Variants in PPP1R37 observed in about 807,000 individuals in gnomAD.
PPP1R37 encodes the protein leucine rich repeat containing 68.
Under a neutral mutation model 61.0 loss-of-function variants are expected in PPP1R37, and 21 were observed. The ratio of observed to expected loss-of-function variants is 0.34; its 90% CI spans 0.24 to 0.50. The LOEUF is 0.50. Ranked by LOEUF, PPP1R37 falls within the 20% of genes least tolerant of loss-of-function variation. The probability of loss-of-function intolerance (pLI) is 0.98; values close to 1 mark genes in which losing one functional copy is unlikely to be tolerated. For synonymous variants in PPP1R37, 443 were observed against 433.5 expected (o/e 1.02, Z -0.27); for missense variants, 910 against 952.7 (o/e 0.96, Z 0.59).
rs546036931 is a variant in PPP1R37, at chr19:45,093,281, C to T, written c.-45C>T. The T allele has an allele frequency of 1.0e-5, 14 of 1,341,148 alleles. No homozygotes were observed. In the East Asian group the frequency reaches 3.9e-4, roughly 38 times the overall value. 83.1% of individuals were successfully genotyped at this position (1,341,148 alleles called of 1,614,324 possible). On this transcript the variant is annotated 5_prime_UTR_variant, in exon 1 of 13. Transcript: ENST00000221462. ...CGGACCCGGAGAGACAAATCCGGGG[C>T]CCGGGGCATGTCCCCGGGGCCCCCG...
chr19:45,093,555 G>C, intron 1 of PPP1R37, 28 bp downstream of exon 1: 1 of 1,515,390 alleles, frequency 6.6e-7, no homozygotes, highest in Non-Finnish European at 8.8e-7. Flanking sequence ...AGCGGGGGCG[G>C]GCTCGAGAGG....
chr19:45,144,452 G>C lies in PPP1R37; in HGVS notation c.988-402G>C, dbSNP rs368420656. 2.2e-4 allele frequency: 41 copies of C among 186,788 alleles called. No homozygotes were observed. The East Asian group carries it at 4.1e-3, about 19-fold the overall frequency. 11.6% of individuals were successfully genotyped at this position (186,788 alleles called of 1,614,324 possible). A position where few individuals can be genotyped will look rare whatever the true frequency, so the allele number is the denominator to read the frequency against. On this transcript the variant is annotated intron_variant, in intron 8 of 12. Coordinates refer to ENST00000221462, the MANE Select transcript of PPP1R37 (RefSeq NM_019121.2). ...AGTGAGTCACCGTGCCTGGTTTTCA[G>C]TTTTTATGTGGTGCTTAAAGCAAGC... is the stretch of plus-strand genomic sequence containing the variant.
intron 1 of PPP1R37, among the ~76,000 whole-genome samples, chr19:45,094,383 G>A (rs1967965357): frequency 6.6e-6 from 1 of 152,178 alleles, no homozygotes; most frequent in Non-Finnish European, 1.5e-5. Context: ...AGGAGCAGAG[G>A]ATGTTTGGGA....
intron 1 of PPP1R37, among the ~76,000 whole-genome samples, chr19:45,119,646 C>CT (rs545161853): frequency 1.3e-5 from 2 of 152,200 alleles, no homozygotes; most frequent in Non-Finnish European, 2.9e-5. Flanking sequence ...CTATACATTG[C>CT]TTGTGAAACA....
At position 45,142,129 on chromosome 19, in the gene PPP1R37, C is replaced by G. The variant is rs889965139; in HGVS notation, c.636C>G (p.Ala212=). The change falls in exon 6 of 13, where the codon GCC becomes GCG. Residue 212 remains alanine (A), a synonymous_variant. Coordinates refer to ENST00000221462, the MANE Select transcript of PPP1R37 (RefSeq NM_019121.2). ...TGGACCACTCGGCGCCCTTCGTGGC[C>G]CGTGCCCTGCGCATCCGCAGCAGCC... is the stretch of plus-strand genomic sequence containing the variant. ...PLLDHSAPFV[A]RALRIRSSLA... is the part of the protein sequence containing the mutation. The G allele has an allele frequency of 6.5e-7, 1 of 1,535,116 alleles. No homozygotes were observed. Among genetic ancestry groups the G allele is most frequent in the Admixed American group, 2.0e-5 (1 of 50,958 alleles).
intron 7 of PPP1R37, 32 bp downstream of exon 7, chr19:45,142,490 G>A (rs772644584): frequency 8.6e-6 from 13 of 1,510,500 alleles, no homozygotes; most frequent in South Asian, 1.2e-5. Context: ...ACCCACACCC[G>A]TCACCCAGCA....
intron 1 of PPP1R37, among the ~76,000 whole-genome samples, chr19:45,103,107 C>T (rs1303977527): frequency 6.6e-6 from 1 of 152,246 alleles, no homozygotes; most frequent in East Asian, 1.9e-4. Context: ...GTGTCCCCAG[C>T]ACCCTCCATG....
At chr19:45,145,321 C>T (rs974736587) in intron 10 of PPP1R37, 32 bp from the exon 11 acceptor site, 2 of 1,524,502 alleles carry the variant, frequency 1.3e-6, no homozygotes, top group African/African-American at 1.4e-5. Flanking sequence ...TGGGGCCGGC[C>T]TGAGAGCCCT....
At chr19:45,113,738 C>T (rs925904120) in intron 1 of PPP1R37, among the ~76,000 whole-genome samples, 13 of 152,348 alleles carry the variant, frequency 8.5e-5, no homozygotes, top group African/African-American at 3.1e-4. Flanking sequence ...CCCTCCACTC[C>T]GTGAGCTCAC....
intron 1 of PPP1R37, chr19:45,136,235 G>A (rs910340577): frequency 1.3e-5 from 2 of 152,238 alleles, no homozygotes; most frequent in African/African-American, 4.8e-5. Context: ...TCAGAGTAGT[G>A]ATGGGCATTC....
At chr19:45,137,833 C>CA (rs5828228) in intron 1 of PPP1R37, among the ~76,000 whole-genome samples, 1,192 of 106,078 alleles carry the variant, frequency 0.011, 6 homozygotes, top group African/African-American at 0.024. Flanking sequence ...TACAAAAATA[C>CA]AAAAAAAAAA....
At chr19:45,122,115 CT>C (rs1021012236) in intron 1 of PPP1R37, among the ~76,000 whole-genome samples, 1 of 152,172 alleles carries the variant, frequency 6.6e-6, no homozygotes, top group Non-Finnish European at 1.5e-5. Flanking sequence ...TGTCCCTCCC[CT>C]GCCCCCCAAC....
chr19:45,096,011 C>T (rs1323947410), intron 1 of PPP1R37, among the ~76,000 whole-genome samples: 2 of 152,146 alleles, frequency 1.3e-5, no homozygotes, highest in Non-Finnish European at 2.9e-5. Context: ...CCTCAGTCTT[C>T]CCATCTGTGA....
chr19:45,141,997 G>C, intron 5 of PPP1R37, 64 bp from the exon 6 acceptor site: 2 of 1,428,134 alleles, frequency 1.4e-6, no homozygotes, highest in African/African-American at 2.9e-5. Context: ...GGGCGGTCCT[G>C]GGGCCAGGGA....
In PPP1R37 at chr19:45,114,100, C is replaced by G. The variant is rs1968234846; in HGVS notation, c.202+20573C>G. Among the ~76,000 whole-genome samples the G allele has an allele frequency of 2.6e-5, 4 of 152,378 alleles. No homozygotes were observed. The South Asian group carries it at 8.3e-4, about 32-fold the overall frequency. On this transcript the variant is annotated intron_variant, in intron 1 of 12. Transcript: ENST00000221462. ...GAGTTCAGTGGCTGCTTTTAGAAGT[C>G]TTTGTGTGTCAGTCTCAGTCTCATT...
chr19:45,099,258 C>G (rs1228935678), intron 1 of PPP1R37, among the ~76,000 whole-genome samples: 2 of 152,232 alleles, frequency 1.3e-5, no homozygotes, highest in Non-Finnish European at 2.9e-5. Context: ...CCAGCAGTCC[C>G]TGACCTCCAG....
chr19:45,124,667 G>A (rs903300533), intron 1 of PPP1R37, among the ~76,000 whole-genome samples: 5 of 152,156 alleles, frequency 3.3e-5, no homozygotes, highest in African/African-American at 1.2e-4. Flanking sequence ...CTTGGCCTGA[G>A]TAGGTTTTGG....
chr19:45,118,342 T>C (rs1878857826), intron 1 of PPP1R37, among the ~76,000 whole-genome samples: 1 of 152,156 alleles, frequency 6.6e-6, no homozygotes, highest in South Asian at 2.1e-4. Context: ...GGAAGGCAAG[T>C]GTGTGGCCAC....
intron 1 of PPP1R37, among the ~76,000 whole-genome samples, chr19:45,102,311 G>A (rs1179748892): frequency 2.6e-5 from 4 of 152,208 alleles, no homozygotes; most frequent in South Asian, 2.1e-4. Context: ...AGCCCGCAGC[G>A]GGCCTCGTTC....
Sources: allele counts gnomAD v4.1 joint callset (sites outside exome capture counted in the v4.1 genomes callset), GRCh38; gene constraint gnomAD v4.1.1; transcripts MANE v1.5; gene names NCBI Gene and HGNC (gene_info 2026-07-23, HGNC 2026-07-21).